Variants in ZC3H12B observed in about 807,000 individuals in gnomAD.
ZC3H12B encodes probable ribonuclease ZC3H12B.
ZC3H12B carries 7 observed loss-of-function variants against 43.9 expected under a neutral mutation model. That is an observed-to-expected ratio of 0.16 (90% CI 0.09 to 0.30). The LOEUF is 0.30. Among genes scored for constraint, ZC3H12B ranks in the 10% least tolerant of loss-of-function variants. The pLI, the probability that ZC3H12B is intolerant of heterozygous loss-of-function variation, is 1.00. For synonymous variants in ZC3H12B, 222 were observed against 241.7 expected (o/e 0.92, Z 0.76); for missense variants, 475 against 670.2 (o/e 0.71, Z 3.22).
chrX:65,170,034 T>C, the ZC3H12B span, among the ~76,000 whole-genome samples: 1 of 112,006 alleles, frequency 8.9e-6, no homozygotes, highest in Non-Finnish European at 1.9e-5. Flanking sequence ...CCGATTTACA[T>C]GTAAGGTTAA....
chrX:65,205,342 GTTGTA>G, the ZC3H12B span, among the ~76,000 whole-genome samples: 1 of 111,519 alleles, frequency 9.0e-6, no homozygotes, highest in Non-Finnish European at 1.9e-5. Context: ...ATTTTAAAGA[GTTGTA>G]TGTTAATATA....
chrX:65,051,856 C>A, the ZC3H12B span, among the ~76,000 whole-genome samples: 3 of 110,193 alleles, frequency 2.7e-5, no homozygotes, highest in Non-Finnish European at 5.7e-5. Flanking sequence ...CACAGGGGTA[C>A]CTAAAACTGT....
chrX:65,063,205 G>A, the ZC3H12B span, among the ~76,000 whole-genome samples: 1 of 111,774 alleles, frequency 8.9e-6, no homozygotes, highest in African/African-American at 3.3e-5. Context: ...ATGTTGAATA[G>A]GAGTGGTAAG....
At chrX:65,318,714 C>A in the ZC3H12B span, among the ~76,000 whole-genome samples, 1 of 110,979 alleles carries the variant, frequency 9.0e-6, no homozygotes, top group African/African-American at 3.3e-5. Flanking sequence ...ACCACCGCAT[C>A]CAGCCCATTT....
chrX:65,129,138 T>A, the ZC3H12B span, among the ~76,000 whole-genome samples: 1 of 110,275 alleles, frequency 9.1e-6, no homozygotes, highest in Non-Finnish European at 1.9e-5. Flanking sequence ...TCTTGCCTTC[T>A]TGTGTGGTAC....
At chrX:65,163,180 G>T in the ZC3H12B span, among the ~76,000 whole-genome samples, 1 of 111,149 alleles carries the variant, frequency 9.0e-6, no homozygotes, top group Admixed American at 9.6e-5. Flanking sequence ...TGCCCCTACT[G>T]GGGGGTGCCT....
At chrX:65,456,623 T>C (rs958959668) in intron 3 of ZC3H12B, among the ~76,000 whole-genome samples, 4 of 106,952 alleles carry the variant, frequency 3.7e-5, no homozygotes, top group African/African-American at 1.4e-4. Context: ...TTTTTTTTTT[T>C]GGTGGAGACG....
At chrX:65,113,477 T>A in the ZC3H12B span, among the ~76,000 whole-genome samples, 2 of 109,586 alleles carry the variant, frequency 1.8e-5, no homozygotes, top group Admixed American at 1.9e-4. Context: ...GGTGGGAGGA[T>A]CACTTGAGGC....
the ZC3H12B span, among the ~76,000 whole-genome samples, chrX:65,081,628 A>G: frequency 6.1e-3 from 680 of 112,101 alleles, 6 homozygotes; most frequent in African/African-American, 0.02. Flanking sequence ...ATCCAGGTAT[A>G]TAAAGCAAAT....
chrX:65,384,976 T>A (rs2066500807), intron 2 of ZC3H12B, among the ~76,000 whole-genome samples: 2 of 112,134 alleles, frequency 1.8e-5, no homozygotes, highest in African/African-American at 6.5e-5. Flanking sequence ...TGGTATCATA[T>A]CTGAGGGCTC....
At chrX:65,375,360 G>T (rs1247063656) in intron 2 of ZC3H12B, among the ~76,000 whole-genome samples, 3 of 111,836 alleles carry the variant, frequency 2.7e-5, no homozygotes, top group African/African-American at 9.8e-5. Flanking sequence ...TAAAGGCAGT[G>T]TAGGACACAA....
the ZC3H12B span, among the ~76,000 whole-genome samples, chrX:65,092,896 C>G: frequency 2.7e-5 from 3 of 111,838 alleles, no homozygotes; most frequent in Non-Finnish European, 5.6e-5. Flanking sequence ...TGCTGATAAC[C>G]AAGACGGTGG....
chrX:65,454,615 A>G, intron 3 of ZC3H12B, among the ~76,000 whole-genome samples: 1 of 112,024 alleles, frequency 8.9e-6, no homozygotes, highest in Middle Eastern at 4.6e-3. Flanking sequence ...CCTGTCTGAC[A>G]GCTTGGAAGA....
chrX:65,372,469 A>T (rs750029061), intron 2 of ZC3H12B, among the ~76,000 whole-genome samples: 2 of 104,548 alleles, frequency 1.9e-5, no homozygotes, highest in African/African-American at 7.1e-5. Context: ...AGAGGACAGG[A>T]GAGAGGAAGG....
the ZC3H12B span, among the ~76,000 whole-genome samples, chrX:65,060,683 T>A: frequency 8.9e-6 from 1 of 112,125 alleles, no homozygotes; most frequent in African/African-American, 3.2e-5. Context: ...TATCTTTGTC[T>A]GTCTTTGGCA....
At chrX:65,206,526 G>A in the ZC3H12B span, among the ~76,000 whole-genome samples, 1 of 111,989 alleles carries the variant, frequency 8.9e-6, no homozygotes, top group Non-Finnish European at 1.9e-5. Flanking sequence ...ATGGATTAAG[G>A]ATTTAAATGT....
chrX:65,131,045 A>G, the ZC3H12B span, among the ~76,000 whole-genome samples: 1 of 112,159 alleles, frequency 8.9e-6, no homozygotes, highest in Non-Finnish European at 1.9e-5. Flanking sequence ...TTCAGCCCAT[A>G]TAACAGCACA....
In ZC3H12B at chrX:65,472,812, T is replaced by C. The variant is rs1376964432; in HGVS notation, n.408-15834T>C. On this transcript the variant is annotated intron_variant and non_coding_transcript_variant, in intron 3 of 5. Transcript: ENST00000617377. ...TTATGCTTGTACCATACTGTTTTGA[T>C]TACCATACCTTTGATATATATATAT... is the stretch of plus-strand genomic sequence containing the variant. Among the ~76,000 whole-genome samples the C allele has an allele frequency of 3.8e-5, 3 of 78,208 alleles. No homozygotes were observed. In the East Asian group the frequency reaches 1.2e-3, roughly 31 times the overall value. 67.9% of individuals were successfully genotyped at this position (78,208 alleles called of 115,157 possible).
the ZC3H12B span, among the ~76,000 whole-genome samples, chrX:65,246,283 G>A: frequency 3.6e-5 from 4 of 111,906 alleles, no homozygotes; most frequent in South Asian, 3.7e-4. Flanking sequence ...ATAGAAAAAT[G>A]TCTAATGCTC....
Sources: allele counts gnomAD v4.1 joint callset (sites outside exome capture counted in the v4.1 genomes callset), GRCh38; gene constraint gnomAD v4.1.1; transcripts MANE v1.5; gene names NCBI Gene and HGNC (gene_info 2026-07-23, HGNC 2026-07-21).